The following XPR1 variants were observed in gnomAD, a reference collection of about 807,000 sequenced individuals.
The protein encoded by XPR1 is solute carrier family 53 member 1.
XPR1 carries 28 observed loss-of-function variants against 87.5 expected under a neutral mutation model. The ratio of observed to expected loss-of-function variants is 0.32; its 90% CI spans 0.24 to 0.44. XPR1 has a LOEUF of 0.44. XPR1 is among the 20% of genes least tolerant of loss of function. XPR1 has a pLI of 1.00. For missense variants in XPR1, 559 were observed against 862.3 expected (o/e 0.65, Z 4.41); for synonymous variants, 300 against 306.1 (o/e 0.98, Z 0.21).
At chr1:180,732,427 A>G (rs1015601939) in intron 2 of XPR1, among the ~76,000 whole-genome samples, 13 of 152,170 alleles carry the variant, frequency 8.5e-5, no homozygotes, top group African/African-American at 3.1e-4. Context: ...ATATTCTCAT[A>G]ATTTTAAGGT....
chr1:180,734,471 C>T (rs939832586), intron 2 of XPR1, among the ~76,000 whole-genome samples: 7 of 152,144 alleles, frequency 4.6e-5, no homozygotes, highest in Admixed American at 3.9e-4. Flanking sequence ...AGGGGTCTGG[C>T]ATCTTATTGT....
At chr1:180,710,934 C>G (rs1458830614) in intron 2 of XPR1, among the ~76,000 whole-genome samples, 2 of 146,932 alleles carry the variant, frequency 1.4e-5, no homozygotes, top group African/African-American at 5.0e-5. Flanking sequence ...ACTTCCCAGA[C>G]AGGGCGGCTG....
Position 180,690,641 on chromosome 1 carries a change from T to C in XPR1, c.121+8230T>C, listed in dbSNP as rs186687380. ...TAGCCACTTAGTCACTTTATATTGC[T>C]TCACTGTAGTTTATTTCTTTGCATA... On this transcript the variant is annotated intron_variant, in intron 2 of 14. Coordinates refer to ENST00000367590, the MANE Select transcript of XPR1 (RefSeq NM_004736.4). Among the ~76,000 whole-genome samples, 160 of 152,114 alleles carry C rather than the reference T, an allele frequency of 1.1e-3. 1 individual carries two copies. Among genetic ancestry groups the C allele is most frequent in the African/African-American group, 3.6e-3 (148 of 41,506 alleles).
intron 2 of XPR1, among the ~76,000 whole-genome samples, chr1:180,686,448 A>G (rs1656780132): frequency 6.6e-6 from 1 of 152,160 alleles, no homozygotes; most frequent in Admixed American, 6.6e-5. Context: ...TGGTGCTGAA[A>G]AGAATGTATA....
intron 2 of XPR1, among the ~76,000 whole-genome samples, chr1:180,712,746 C>T (rs960968026): frequency 8.6e-5 from 13 of 152,022 alleles, no homozygotes; most frequent in Non-Finnish European, 1.5e-4. Flanking sequence ...GCGGAGGTTG[C>T]ATTGAGGTGA....
At chr1:180,647,593 A>G (rs1655159516) in intron 1 of XPR1, among the ~76,000 whole-genome samples, 1 of 152,138 alleles carries the variant, frequency 6.6e-6, no homozygotes, top group African/African-American at 2.4e-5. Context: ...TGAGTAGGCA[A>G]GCTTTAGAAT....
chr1:180,782,594 C>G (rs1371320239), intron 2 of XPR1, among the ~76,000 whole-genome samples: 1 of 151,730 alleles, frequency 6.6e-6, no homozygotes, highest in Non-Finnish European at 1.5e-5. Flanking sequence ...TCTGGTGTCT[C>G]TTTTTTTATA....
chr1:180,730,525 T>C (rs1281301777), intron 2 of XPR1, among the ~76,000 whole-genome samples: 1 of 152,176 alleles, frequency 6.6e-6, no homozygotes, highest in African/African-American at 2.4e-5. Context: ...TGAATAATTT[T>C]CCCCCTATAT....
intron 2 of XPR1, among the ~76,000 whole-genome samples, chr1:180,766,725 A>G (rs1648301191): frequency 6.6e-6 from 1 of 152,230 alleles, no homozygotes; most frequent in Admixed American, 6.5e-5. Context: ...GAGAAAAAGT[A>G]CAAATGAAAA....
intron 2 of XPR1, among the ~76,000 whole-genome samples, chr1:180,687,582 A>G (rs923785703): frequency 2.6e-5 from 4 of 152,108 alleles, no homozygotes; most frequent in African/African-American, 9.7e-5. Context: ...TTTTCTCAAA[A>G]GTAAGTCAAC....
At chr1:180,774,892 A>G (rs1648653376) in intron 2 of XPR1, among the ~76,000 whole-genome samples, 1 of 152,204 alleles carries the variant, frequency 6.6e-6, no homozygotes, top group African/African-American at 2.4e-5. Flanking sequence ...CAAGGCACCA[A>G]CAGACGTAGT....
At chr1:180,783,455 CA>C (rs1302408527) in intron 2 of XPR1, among the ~76,000 whole-genome samples, 2 of 151,852 alleles carry the variant, frequency 1.3e-5, no homozygotes, top group Admixed American at 6.6e-5. Context: ...GTGAAGATAG[CA>C]AAATGTGAGA....
At chr1:180,860,037 A>T (rs1652166320) in intron 11 of XPR1, among the ~76,000 whole-genome samples, 1 of 152,078 alleles carries the variant, frequency 6.6e-6, no homozygotes, top group South Asian at 2.1e-4. Flanking sequence ...TCCCCCTCAA[A>T]ATTTTTGGCC....
chr1:180,719,013 A>G (rs1658091284), intron 2 of XPR1, among the ~76,000 whole-genome samples: 1 of 152,222 alleles, frequency 6.6e-6, no homozygotes, highest in Admixed American at 6.5e-5. Context: ...ATGTGCAGCA[A>G]AGTTTGTGAA....
At chr1:180,646,063 CTTG>C (rs1245301587) in intron 1 of XPR1, among the ~76,000 whole-genome samples, 13 of 152,156 alleles carry the variant, frequency 8.5e-5, no homozygotes, top group African/African-American at 3.1e-4. Context: ...GTATTGTTAC[CTTG>C]TTGTTAACGT....
chr1:180,829,114 T>C (rs972120290), intron 9 of XPR1, among the ~76,000 whole-genome samples: 1 of 152,148 alleles, frequency 6.6e-6, no homozygotes, highest in African/African-American at 2.4e-5. Flanking sequence ...GAGGATCGCT[T>C]GAGTCCAGCA....
chr1:180,758,491 T>A (rs1398896509), intron 2 of XPR1, among the ~76,000 whole-genome samples: 3 of 152,116 alleles, frequency 2.0e-5, no homozygotes, highest in African/African-American at 7.2e-5. Context: ...GTGGATCATT[T>A]GAGGTCAGGA....
At position 180,632,085 on chromosome 1, in the gene XPR1, G is replaced by A. The variant is rs1385385105; in HGVS notation, c.-117G>A. 7.9e-7 allele frequency: 1 copy of A among 1,262,580 alleles called. No homozygotes were observed. Among genetic ancestry groups the A allele is most frequent in the Non-Finnish European group, 1.1e-6 (1 of 886,208 alleles). 78.2% of individuals were successfully genotyped at this position (1,262,580 alleles called of 1,614,324 possible). On this transcript the variant is annotated 5_prime_UTR_variant, in exon 1 of 15. Coordinates refer to ENST00000367590, the MANE Select transcript of XPR1 (RefSeq NM_004736.4). Reference sequence around the variant, plus strand: ...AAGAGACCTCGGCGGCGGCGGAGGAGGAGAGAAGCGCAGCGCCGCGCCGCG... The same window carrying A: ...AAGAGACCTCGGCGGCGGCGGAGGAAGAGAGAAGCGCAGCGCCGCGCCGCG...
chr1:180,633,490 A>T (rs1654662602), intron 1 of XPR1, among the ~76,000 whole-genome samples: 2 of 152,240 alleles, frequency 1.3e-5, no homozygotes, highest in Non-Finnish European at 2.9e-5. Context: ...CAGTGAGTGT[A>T]TTTATTCATA....
Sources: gnomAD v4.1 joint callset for allele counts (sites outside exome capture counted in the v4.1 genomes callset) on GRCh38, gnomAD v4.1.1 for gene constraint, MANE v1.5 for transcripts, NCBI Gene and HGNC (gene_info 2026-07-23, HGNC 2026-07-21) for gene names.